MGME1: variants seen among roughly 807,000 people sequenced by gnomAD.
MGME1 encodes mitochondrial genome maintenance exonuclease 1.
Under a neutral mutation model 33.0 loss-of-function variants are expected in MGME1, and 22 were observed. The observed-to-expected ratio is 0.67, with a 90% CI of 0.48 to 0.95. The LOEUF (loss-of-function observed/expected upper bound fraction) is 0.95, where lower values mean the gene tolerates loss of function less well. Among genes scored for constraint, MGME1 ranks in the 40% least tolerant of loss-of-function variants. The probability of loss-of-function intolerance (pLI) is 0.00; values close to 1 mark genes in which losing one functional copy is unlikely to be tolerated. For missense variants in MGME1, 383 were observed against 397.8 expected (o/e 0.96, Z 0.32); for synonymous variants, 133 against 144.0 (o/e 0.92, Z 0.55).
chr20:17,971,595 G>A (rs1183912655), intron 2 of MGME1, among the ~76,000 whole-genome samples: 1 of 152,144 alleles, frequency 6.6e-6, no homozygotes, highest in Non-Finnish European at 1.5e-5. Context: ...TGGGACCCCA[G>A]GGCCTGTAGC....
At chr20:17,971,429 A>G (rs2035726316) in intron 2 of MGME1, among the ~76,000 whole-genome samples, 1 of 152,238 alleles carries the variant, frequency 6.6e-6, no homozygotes, top group South Asian at 2.1e-4. Flanking sequence ...CAACATAAAA[A>G]TCTTCTAATG....
intron 4 of MGME1, among the ~76,000 whole-genome samples, chr20:17,988,939 A>C (rs536849509): frequency 6.6e-6 from 1 of 152,164 alleles, no homozygotes; most frequent in African/African-American, 2.4e-5. Flanking sequence ...AAAAAATACA[A>C]AAATTAGCTG....
rs377519110 is a variant in MGME1, at chr20:17,970,150, A to G, written c.291A>G (p.Pro97=). ...LPNQGEDRRV[P]QNWFPIFNPE... ...ACCAAGGTGAGGACAGACGAGTGCC[A>G]CAAAACTGGTTTCCTATCTTCAATC... The change falls in exon 2 of 5, where the codon CCA becomes CCG. Residue 97 remains proline, a synonymous_variant. Transcript: ENST00000377710. The G allele has an allele frequency of 2.5e-5, 41 of 1,614,240 alleles. No homozygotes were observed. The African/African-American group carries it at 5.2e-4, about 20-fold the overall frequency.
chr20:17,986,172 A>C (rs1600403511), intron 3 of MGME1, among the ~76,000 whole-genome samples: 1 of 151,858 alleles, frequency 6.6e-6, no homozygotes, highest in African/African-American at 2.4e-5. Flanking sequence ...AGGTTCAAGT[A>C]ATTCTCCTGC....
At chr20:17,981,648 C>CGTAT (rs1555790888) in intron 3 of MGME1, among the ~76,000 whole-genome samples, 2 of 139,696 alleles carry the variant, frequency 1.4e-5, no homozygotes, top group Non-Finnish European at 3.1e-5. Flanking sequence ...ATCTACTACT[C>CGTAT]GTGTGTGTGT....
rs909427630 is a variant in MGME1 at position 17,969,071 on chromosome 20, A to G, written c.-130A>G. The G allele has an allele frequency of 6.6e-6, 1 of 152,476 alleles. No individual in the cohort carries two copies. Among genetic ancestry groups the G allele is most frequent in the African/African-American group, 2.4e-5 (1 of 41,470 alleles). 9.4% of individuals were successfully genotyped at this position (152,476 alleles called of 1,614,324 possible). Reference sequence around the variant, plus strand: ...GCCTAATTCGAAACCAAAGCGCGGGACGGATGAAAGTACGGGTCGCGAGAG... The same window carrying G: ...GCCTAATTCGAAACCAAAGCGCGGGGCGGATGAAAGTACGGGTCGCGAGAG... On this transcript the variant is annotated 5_prime_UTR_variant, in exon 1 of 5. Transcript: ENST00000377710.
chr20:17,989,398 A>C (rs1206848047), intron 4 of MGME1, among the ~76,000 whole-genome samples: 1 of 147,930 alleles, frequency 6.8e-6, no homozygotes, highest in African/African-American at 2.5e-5. Flanking sequence ...CAAATAAATA[A>C]ATAAATAAAT....
In MGME1 at chr20:17,989,967, A is replaced by G; in HGVS notation, c.893A>G (p.Tyr298Cys). 3.7e-6 allele frequency: 6 copies of G among 1,614,198 alleles called. No homozygotes were observed. Among genetic ancestry groups the G allele is most frequent in the Non-Finnish European group, 5.1e-6 (6 of 1,180,032 alleles). ...QVQCGLIVVA[Y>C]KDGSPAHPHF... is the part of the protein sequence containing the mutation. ...CAATGTGGCTTAATTGTGGTGGCCT[A>G]CAAAGATGGATCACCTGCCCACCCA... The change falls in exon 5 of 5, where the codon TAC becomes TGC. Residue 298 changes from tyrosine to cysteine, a missense_variant. Coordinates refer to ENST00000377710, the MANE Select transcript of MGME1 (RefSeq NM_052865.4).
rs542583654 is a variant in MGME1, at chr20:17,969,638, T to C, written c.-59-163T>C. On this transcript the variant is annotated intron_variant, in intron 1 of 4. Transcript: ENST00000377710. ...TAGTATGTGTCGGTCCTTCGGGTAT[T>C]GAGTCTTGATTTATTTATAAATTTT... is the stretch of plus-strand genomic sequence containing the variant. Among the ~76,000 whole-genome samples the C allele has an allele frequency of 4.5e-4, 69 of 152,320 alleles. No individual in the cohort carries two copies. The Middle Eastern group carries it at 0.017, about 38-fold the overall frequency.
intron 3 of MGME1, among the ~76,000 whole-genome samples, chr20:17,982,736 C>G (rs2036054708): frequency 6.6e-6 from 1 of 152,092 alleles, no homozygotes; most frequent in African/African-American, 2.4e-5. Context: ...TGTTACTGTA[C>G]TTTTAATTTG....
At chr20:17,975,567 AAG>A (rs2035842411) in intron 2 of MGME1, 115 bp from the exon 3 acceptor site, 3 of 811,546 alleles carry the variant, frequency 3.7e-6, no homozygotes, top group Non-Finnish European at 1.9e-6. Context: ...AAAAAAAAAA[AAG>A]AAAAAAAAAT....
At chr20:17,968,759 A>G (rs1422440213), upstream of MGME1, 1 of 361,440 alleles carries the variant, frequency 2.8e-6, no homozygotes, top group East Asian at 5.5e-5. Flanking sequence ...ACGGGAAGCA[A>G]CGGACACTCT....
chr20:17,972,617 A>G, intron 2 of MGME1: 22 of 951,622 alleles, frequency 2.3e-5, no homozygotes, highest in Non-Finnish European at 2.8e-5. Context: ...TGCTACATGC[A>G]GTGAATATTC....
chr20:17,969,315 T>G (rs1343316911), intron 1 of MGME1, among the ~76,000 whole-genome samples, 174 bp downstream of exon 1: 2 of 152,358 alleles, frequency 1.3e-5, no homozygotes, highest in African/African-American at 4.8e-5. Flanking sequence ...CCACCAGCTC[T>G]GACCGGCGAG....
chr20:17,985,633 A>G (rs1258514021), intron 3 of MGME1, among the ~76,000 whole-genome samples: 1 of 152,206 alleles, frequency 6.6e-6, no homozygotes, highest in African/African-American at 2.4e-5. Flanking sequence ...CTAGTCCTGC[A>G]AGCTGCATTC....
chr20:17,978,146 G>T (rs112408486), intron 3 of MGME1, among the ~76,000 whole-genome samples: 2 of 152,148 alleles, frequency 1.3e-5, no homozygotes, highest in Admixed American at 1.3e-4. Flanking sequence ...CCAGGAAGCC[G>T]AAAGAGTGGG....
chr20:17,974,062 T>TGG (rs369364556), intron 2 of MGME1, among the ~76,000 whole-genome samples: 4 of 71,516 alleles, frequency 5.6e-5, no homozygotes, highest in South Asian at 8.7e-4. Context: ...TCTTTGTGTG[T>TGG]TTTTTTTTTT....
At chr20:17,989,585 G>A (rs930759859) in intron 4 of MGME1, among the ~76,000 whole-genome samples, 5 of 148,858 alleles carry the variant, frequency 3.4e-5, no homozygotes, top group Middle Eastern at 3.3e-3. Flanking sequence ...AGTGGTGCCC[G>A]CCTCAGCTTC....
Position 17,988,298 on chromosome 20 carries a change from G to A in MGME1, c.864G>A (p.Gln288=), listed in dbSNP as rs2036205911. ...AMNHDTNYSF[Q]VQCGLIVVAY... The stretch of plus-strand genomic sequence containing the variant: ...ACCATGATACCAACTACAGCTTTCA[G>A]GTCAGGACACTGAGCCTTTACTTAA... The change falls in exon 4 of 5, where the codon CAG becomes CAA. Residue 288 remains glutamine, a splice_region_variant and synonymous_variant. Coordinates refer to ENST00000377710, the MANE Select transcript of MGME1 (RefSeq NM_052865.4). 1 of 1,612,752 alleles carries A rather than the reference G, an allele frequency of 6.2e-7. No individual in the cohort carries two copies. The highest frequency in any genetic ancestry group is 1.3e-5 in the African/African-American group (1 of 74,810).
Sources: gnomAD v4.1 joint callset for allele counts (sites outside exome capture counted in the v4.1 genomes callset) on GRCh38, gnomAD v4.1.1 for gene constraint, MANE v1.5 for transcripts, NCBI Gene and HGNC (gene_info 2026-07-23, HGNC 2026-07-21) for gene names.